CCDC146: variants seen among roughly 807,000 people sequenced by gnomAD.
CCDC146 encodes the protein coiled-coil domain containing 146.
A neutral mutation model predicts 119.3 loss-of-function variants in CCDC146; 92 were observed. The ratio of observed to expected loss-of-function variants is 0.77; its 90% CI spans 0.65 to 0.92. CCDC146 has a LOEUF of 0.92. CCDC146 is among the 40% of genes least tolerant of loss of function. CCDC146 has a pLI of 0.00. For synonymous variants in CCDC146, 372 were observed against 371.8 expected (o/e 1.00, Z -0.01); for missense variants, 1,000 against 1,103.0 (o/e 0.91, Z 1.32).
intron 1 of CCDC146, among the ~76,000 whole-genome samples, chr7:77,153,445 A>T (rs1391820275): frequency 1.4e-5 from 2 of 145,220 alleles, no homozygotes; most frequent in African/African-American, 5.1e-5. Context: ...TTTTTTTTTA[A>T]CAATAAAAGA....
At chr7:77,176,196 G>A (rs569897669) in intron 2 of CCDC146, among the ~76,000 whole-genome samples, 3 of 150,974 alleles carry the variant, frequency 2.0e-5, no homozygotes, top group African/African-American at 7.4e-5. Context: ...ATCCTTCTCC[G>A]GAACCCAACT....
intron 2 of CCDC146, among the ~76,000 whole-genome samples, chr7:77,192,062 G>A (rs1253395852): frequency 1.3e-5 from 2 of 151,698 alleles, no homozygotes; most frequent in African/African-American, 2.4e-5. Context: ...GAGTAGCTGG[G>A]ACTACAGGTG....
chr7:77,214,509 A>G (rs1275373250), intron 2 of CCDC146, among the ~76,000 whole-genome samples: 1 of 152,040 alleles, frequency 6.6e-6, no homozygotes, highest in East Asian at 1.9e-4. Context: ...TTAGTCATAA[A>G]TTCTTTTTCT....
At chr7:77,290,590 G>A (rs1336665757) in intron 17 of CCDC146, among the ~76,000 whole-genome samples, 1 of 152,206 alleles carries the variant, frequency 6.6e-6, no homozygotes, top group Non-Finnish European at 1.5e-5. Flanking sequence ...TTGCACCAAT[G>A]CTGCTGGACT....
At chr7:77,123,130 C>A (rs1790647574) in intron 1 of CCDC146, among the ~76,000 whole-genome samples, 1 of 150,044 alleles carries the variant, frequency 6.7e-6, no homozygotes, top group Admixed American at 6.6e-5. Flanking sequence ...ATTTTTATTT[C>A]AACGTACTTA....
At chr7:77,216,596 C>T (rs1426760597) in intron 2 of CCDC146, among the ~76,000 whole-genome samples, 1 of 152,068 alleles carries the variant, frequency 6.6e-6, no homozygotes, top group African/African-American at 2.4e-5. Flanking sequence ...TGCAATTTCT[C>T]AAGTTTATTT....
chr7:77,173,262 G>A lies in CCDC146; in HGVS notation c.156+5438G>A, dbSNP rs185158615. Among the ~76,000 whole-genome samples the A allele has an allele frequency of 9.9e-3, 1,507 of 152,052 alleles. 30 individuals are homozygous for A. The highest frequency in any genetic ancestry group is 0.035 in the African/African-American group (1,434 of 41,454). On this transcript the variant is annotated intron_variant, in intron 2 of 18. Coordinates refer to ENST00000285871, the MANE Select transcript of CCDC146 (RefSeq NM_020879.3). ...CCCACTGACATTATGATCACATTAA[G>A]ACCTATGATCGCAATAAGACCTAAC...
At chr7:77,270,617 C>T (rs1233298726) in intron 9 of CCDC146, among the ~76,000 whole-genome samples, 4 of 152,004 alleles carry the variant, frequency 2.6e-5, no homozygotes, top group Non-Finnish European at 1.5e-5. Context: ...AAGAGAAACA[C>T]CTATTAGGTT....
intron 9 of CCDC146, among the ~76,000 whole-genome samples, chr7:77,272,927 A>G (rs1793553860): frequency 6.6e-6 from 1 of 152,196 alleles, no homozygotes; most frequent in Non-Finnish European, 1.5e-5. Context: ...CTACTAATCA[A>G]ATGACTATAT....
intron 4 of CCDC146, among the ~76,000 whole-genome samples, chr7:77,247,092 T>C (rs1792964808): frequency 6.6e-6 from 1 of 152,104 alleles, no homozygotes; most frequent in African/African-American, 2.4e-5. Context: ...TATTAAAAGA[T>C]AACAGGGAAA....
rs184723761 is a variant in CCDC146, at chr7:77,142,589, G to A, written c.-12+19857G>A. Among the ~76,000 whole-genome samples, 378 of 144,594 alleles carry A rather than the reference G, an allele frequency of 2.6e-3. 3 individuals are homozygous for A. The highest frequency in any genetic ancestry group is 8.8e-3 in the African/African-American group (350 of 39,954). 94.9% of individuals were successfully genotyped at this position (144,594 alleles called of 152,430 possible). ...CTTCCCCCACCTTACAACAGGCCCC[G>A]GTGTGTGATGTTCCCCTTCCTGTGT... On this transcript the variant is annotated intron_variant, in intron 1 of 18. Transcript: ENST00000285871.
At chr7:77,206,813 A>G (rs1367294227) in intron 2 of CCDC146, among the ~76,000 whole-genome samples, 1 of 151,830 alleles carries the variant, frequency 6.6e-6, no homozygotes, top group Non-Finnish European at 1.5e-5. Context: ...AAATTTAATA[A>G]TAATGTATAG....
At chr7:77,258,273 C>T in intron 6 of CCDC146, 1 of 152,302 alleles carries the variant, frequency 6.6e-6, no homozygotes, top group Admixed American at 6.5e-5. Flanking sequence ...CAAGGCAGCT[C>T]TGCTCAGCCA....
chr7:77,216,208 G>T (rs1792299499), intron 2 of CCDC146, among the ~76,000 whole-genome samples: 1 of 151,806 alleles, frequency 6.6e-6, no homozygotes, highest in African/African-American at 2.4e-5. Context: ...TTATCTCTTA[G>T]TTTTATACAG....
At chr7:77,211,060 G>A (rs116618129) in intron 2 of CCDC146, among the ~76,000 whole-genome samples, 3,791 of 152,190 alleles carry the variant, frequency 0.025, 142 homozygotes, top group African/African-American at 0.086. Flanking sequence ...AAATTGTGAA[G>A]TATATTAGAT....
intron 2 of CCDC146, among the ~76,000 whole-genome samples, chr7:77,177,858 G>T (rs964983719): frequency 2.0e-5 from 3 of 152,178 alleles, no homozygotes; most frequent in African/African-American, 7.2e-5. Context: ...TGGCTGTCAA[G>T]AATCTTTAAA....
chr7:77,151,640 C>A (rs1254899574), intron 1 of CCDC146, among the ~76,000 whole-genome samples: 1 of 151,654 alleles, frequency 6.6e-6, no homozygotes, highest in Non-Finnish European at 1.5e-5. Context: ...TAAAAAAAAA[C>A]TCTTAATTCA....
intron 10 of CCDC146, 140 bp downstream of exon 10, chr7:77,273,929 C>T (rs1455392239): frequency 4.1e-6 from 2 of 489,330 alleles, no homozygotes; most frequent in Admixed American, 3.2e-5. Context: ...CATATTTCTT[C>T]ATCTCAAAGT....
chr7:77,168,225 G>A (rs1183694358), intron 2 of CCDC146, among the ~76,000 whole-genome samples: 2 of 151,994 alleles, frequency 1.3e-5, no homozygotes, highest in Non-Finnish European at 2.9e-5. Context: ...TTACTGCAGT[G>A]GAGCACTGAA....
Sources: gnomAD v4.1 joint callset for allele counts (sites outside exome capture counted in the v4.1 genomes callset) on GRCh38, gnomAD v4.1.1 for gene constraint, MANE v1.5 for transcripts, NCBI Gene and HGNC (gene_info 2026-07-23, HGNC 2026-07-21) for gene names.